PTPRB: variants seen among roughly 807,000 people sequenced by gnomAD.
PTPRB encodes protein tyrosine phosphatase receptor type B.
A neutral mutation model predicts 238.1 loss-of-function variants in PTPRB; 97 were observed. The observed-to-expected ratio is 0.41, with a 90% CI of 0.35 to 0.48. The LOEUF is 0.48. Ranked by LOEUF, PTPRB falls within the 20% of genes least tolerant of loss-of-function variation. The pLI is 0.30. For synonymous variants in PTPRB, 970 were observed against 995.4 expected, an observed-to-expected ratio of 0.97 and a Z score of 0.48; for missense variants, 2,292 against 2,681.9, an observed-to-expected ratio of 0.85 and a Z score of 3.21.
Position 70,576,551 on chromosome 12 carries a change from G to T in PTPRB, c.2673C>A (p.Asn891Lys). 1.3e-6 allele frequency: 2 copies of T among 1,556,520 alleles called. No homozygotes were observed. The highest frequency in any genetic ancestry group is 1.7e-6 in the Non-Finnish European group (2 of 1,149,370). Reference protein sequence around the residue: ...SWLLAPGDVDNYEVTLSHDGK... With the variant: ...SWLLAPGDVDKYEVTLSHDGK... Reference sequence around the variant, plus strand: ...CGTCATGAGACAATGTTACCTCATAGTTATCCACATCTCCGGGCGCCAGCA... The same window carrying T: ...CGTCATGAGACAATGTTACCTCATATTTATCCACATCTCCGGGCGCCAGCA... The change falls in exon 11 of 34, where the codon AAC becomes AAA. Residue 891 changes from asparagine (N) to lysine (K), a missense_variant. Asn to Lys is a moderately conservative substitution (Grantham distance 94). This residue lies in a region of PTPRB where 1,205 missense variants were observed against 1,287.8 expected (regional missense o/e 0.94). Coordinates refer to ENST00000334414, the MANE Select transcript of PTPRB (RefSeq NM_001109754.4).
chr12:70,636,759 C>G (rs1212505010), intron 1 of PTPRB, among the ~76,000 whole-genome samples: 1 of 152,064 alleles, frequency 6.6e-6, no homozygotes. Context: ...AATAGATTTT[C>G]TAAAAATCAT....
At chr12:70,591,497 A>G (rs1465930) in intron 7 of PTPRB, among the ~76,000 whole-genome samples, 16,269 of 152,274 alleles carry the variant, frequency 0.11, 998 homozygotes, top group Non-Finnish European at 0.13. Context: ...GAAATAATGG[A>G]TATAAATTAT....
chr12:70,590,120 T>C lies in PTPRB; in HGVS notation c.1894A>G (p.Asn632Asp), dbSNP rs1447354871. The part of the protein sequence containing the change: ...DWEQYRILLF[N>D]DSVVLLNITV... ...ATGTTGAGCAGCACCACAGAATCAT[T>C]GAAGAGTAGGATCCGATACTGCTCC... Residue 632 changes from asparagine to aspartate, a missense_variant, in exon 8 of 34, where the codon AAT becomes GAT. Physicochemically the swap from Asn to Asp is conservative, Grantham distance 23. Coordinates refer to ENST00000334414, the MANE Select transcript of PTPRB (RefSeq NM_001109754.4). 3.1e-6 allele frequency: 5 copies of C among 1,613,788 alleles called. No homozygotes were observed. The highest frequency in any genetic ancestry group is 1.7e-5 in the Admixed American group (1 of 59,990).
chr12:70,535,193 C>A (rs147969982), intron 29 of PTPRB, among the ~76,000 whole-genome samples: 1 of 145,006 alleles, frequency 6.9e-6, no homozygotes, highest in African/African-American at 2.5e-5. Context: ...TGGGTTCACT[C>A]ATTTTTTAGG....
At chr12:70,564,285 G>A (rs978412615) in intron 15 of PTPRB, among the ~76,000 whole-genome samples, 4 of 152,114 alleles carry the variant, frequency 2.6e-5, no homozygotes, top group African/African-American at 9.7e-5. Flanking sequence ...GCTGAGGAGG[G>A]TGGATCACCT....
Position 70,609,087 on chromosome 12 carries a change from T to C in PTPRB, c.961A>G (p.Thr321Ala). The change falls in exon 4 of 34, where the codon ACA (threonine) becomes GCA (alanine). Residue 321 changes from threonine (T) to alanine (A), a missense_variant. This residue lies in a region of PTPRB where 1,205 missense variants were observed against 1,287.8 expected (regional missense o/e 0.94). Coordinates refer to ENST00000334414, the MANE Select transcript of PTPRB (RefSeq NM_001109754.4). The stretch of plus-strand genomic sequence containing the variant: ...CCTTTACCTGTTTGCAAGACCACTG[T>C]TCTCTCTTCATCCAGAGAAATAATC... ...FRIISLDEERTVVLQTDPLPP... is the reference protein window; with the variant it reads ...FRIISLDEERAVVLQTDPLPP... The C allele has an allele frequency of 6.2e-7, 1 of 1,614,046 alleles. No homozygotes were observed. The highest frequency in any genetic ancestry group is 8.5e-7 in the Non-Finnish European group (1 of 1,179,890).
intron 2 of PTPRB, among the ~76,000 whole-genome samples, chr12:70,625,792 C>T (rs1012634236): frequency 5.7e-4 from 87 of 152,106 alleles, no homozygotes; most frequent in Admixed American, 5.4e-3. Context: ...ATTGTTACTA[C>T]ATTGTTTCCC....
At chr12:70,597,339 T>C (rs1265579802) in intron 4 of PTPRB, among the ~76,000 whole-genome samples, 1 of 152,172 alleles carries the variant, frequency 6.6e-6, no homozygotes, top group Non-Finnish European at 1.5e-5. Context: ...ATTTCAACTC[T>C]CAAAGCCAAG....
chr12:70,609,883 AG>A lies in PTPRB; in HGVS notation c.709-545del, dbSNP rs1371738560. On this transcript the variant is annotated intron_variant, in intron 3 of 33. Coordinates refer to ENST00000334414, the MANE Select transcript of PTPRB (RefSeq NM_001109754.4). ...CGTGGGACGGCCCGAGGGCCGGGGC[AG>A]GGGGTCACCTGTTGCGCGCGCTCAG... 5.4e-6 allele frequency: 8 copies of A among 1,477,240 alleles called. No individual in the cohort carries two copies. In the East Asian group the frequency reaches 1.3e-4, roughly 24 times the overall value. The allele number at this position is 1,477,240 out of a possible 1,614,324, so 91.5% of individuals were successfully genotyped here. A position where few individuals can be genotyped will look rare whatever the true frequency, so the allele number is the denominator to read the frequency against.
At chr12:70,624,157 C>A (rs1885069484) in intron 2 of PTPRB, among the ~76,000 whole-genome samples, 2 of 151,944 alleles carry the variant, frequency 1.3e-5, no homozygotes, top group South Asian at 2.1e-4. Context: ...AGATGAATAG[C>A]CAACCAATTT....
At chr12:70,625,070 A>G (rs561998865) in intron 2 of PTPRB, among the ~76,000 whole-genome samples, 1 of 152,288 alleles carries the variant, frequency 6.6e-6, no homozygotes, top group African/African-American at 2.4e-5. Context: ...TTTTTAAAGC[A>G]TCCCATACCA....
At chr12:70,555,134 A>G in intron 20 of PTPRB, 26 bp downstream of exon 20, 2 of 1,605,402 alleles carry the variant, frequency 1.2e-6, no homozygotes, top group Non-Finnish European at 1.7e-6. Flanking sequence ...TGTGTCTCAG[A>G]GTGGAGTTAA....
intron 32 of PTPRB, 117 bp from the exon 33 acceptor site, chr12:70,524,708 C>T (rs776999400): frequency 7.5e-5 from 79 of 1,049,892 alleles, no homozygotes; most frequent in Middle Eastern, 2.6e-4. Flanking sequence ...TCTTGAACAT[C>T]GCTTCACTAA....
At chr12:70,596,416 C>T in intron 4 of PTPRB, 89 bp from the exon 5 acceptor site, 1 of 1,249,224 alleles carries the variant, frequency 8.0e-7, no homozygotes, top group Non-Finnish European at 1.0e-6. Flanking sequence ...TTGCAAATAA[C>T]TGCTTATTTT....
chr12:70,541,136 G>A, intron 22 of PTPRB, 179 bp from the exon 23 acceptor site: 1 of 580,688 alleles, frequency 1.7e-6, no homozygotes, highest in South Asian at 2.2e-5. Context: ...AGAAGATGAT[G>A]AAAGGCTGGC....
At chr12:70,611,504 T>G (rs1220694947) in intron 3 of PTPRB, among the ~76,000 whole-genome samples, 1 of 152,058 alleles carries the variant, frequency 6.6e-6, no homozygotes, top group Non-Finnish European at 1.5e-5. Flanking sequence ...TTCACCACGT[T>G]GACCAGGCTG....
intron 5 of PTPRB, 142 bp downstream of exon 5, chr12:70,595,907 C>T: frequency 1.2e-6 from 1 of 818,144 alleles, no homozygotes; most frequent in East Asian, 2.8e-5. Flanking sequence ...CACTGTATCC[C>T]ACAAGCTCCT....
chr12:70,636,212 A>C, intron 1 of PTPRB, 146 bp from the exon 2 acceptor site: 209 of 843,436 alleles, frequency 2.5e-4, no homozygotes, highest in Non-Finnish European at 2.8e-4. Context: ...GAACATTCTC[A>C]TATTTAACAC....
In PTPRB at chr12:70,628,891, G is replaced by A. The variant is rs568968946; in HGVS notation, c.452-6245C>T. ...ACTGTAACATTTGATTGCTTGGTGAGTTTAAAAATTATACTTGGATTGCAC... is the reference window on the plus strand; with the variant it reads ...ACTGTAACATTTGATTGCTTGGTGAATTTAAAAATTATACTTGGATTGCAC... On this transcript the variant is annotated intron_variant, in intron 2 of 33. Coordinates refer to ENST00000334414, the MANE Select transcript of PTPRB (RefSeq NM_001109754.4). 5.3e-5 allele frequency among the ~76,000 whole-genome samples: 8 copies of A among 152,130 alleles called. No homozygotes were observed. The South Asian group carries it at 1.7e-3, about 32-fold the overall frequency.
Sources: gnomAD v4.1 joint callset for allele counts (sites outside exome capture counted in the v4.1 genomes callset) on GRCh38, gnomAD v4.1.1 for gene constraint, gnomAD v4.1.1 regional missense constraint, MANE v1.5 for transcripts, NCBI Gene and HGNC (gene_info 2026-07-23, HGNC 2026-07-21) for gene names.